BPTF: variants seen among roughly 807,000 people sequenced by gnomAD.
The protein encoded by BPTF is bromodomain PHD finger transcription factor.
In BPTF, 18 loss-of-function variants were observed where a neutral mutation model predicts 292.5. The observed-to-expected ratio is 0.06, with a 90% confidence interval of 0.04 to 0.09. The LOEUF is 0.09. Among genes scored for constraint, BPTF ranks in the 10% least tolerant of loss-of-function variants. The pLI is 1.00. For synonymous variants in BPTF, 1,225 were observed against 1,251.9 expected (o/e 0.98, Z 0.45); for missense variants, 2,726 against 3,498.7 (o/e 0.78, Z 5.57).
intron 7 of BPTF, among the ~76,000 whole-genome samples, chr17:67,901,155 C>T (rs546520537): frequency 2.0e-4 from 30 of 151,944 alleles, no homozygotes; most frequent in African/African-American, 7.0e-4. Context: ...AGAAGCAAAT[C>T]AGTAGATAAA....
intron 1 of BPTF, among the ~76,000 whole-genome samples, chr17:67,839,335 T>TA (rs1000819011): frequency 7.3e-4 from 110 of 151,664 alleles, no homozygotes; most frequent in African/African-American, 2.3e-3. Flanking sequence ...AGTTTTTTTT[T>TA]AAAAAAAAAT....
chr17:67,912,928 T>C lies in BPTF; in HGVS notation c.5044T>C (p.Tyr1682His). 7 of 1,614,070 alleles carry C rather than the reference T, an allele frequency of 4.3e-6. No individual in the cohort carries two copies. Among genetic ancestry groups the C allele is most frequent in the Non-Finnish European group, 5.9e-6 (7 of 1,180,014 alleles). The change falls in exon 11 of 28, where the codon TAT (tyrosine) becomes CAT (histidine). Residue 1682 changes from tyrosine (Y) to histidine (H), a missense_variant. Coordinates refer to ENST00000306378, the MANE Select transcript of BPTF (RefSeq NM_182641.4). ...LVTSMTVSKEYSTRDKVKLMK... is the reference protein window; with the variant it reads ...LVTSMTVSKEHSTRDKVKLMK... ...TACATCTATGACTGTGAGCAAAGAG[T>C]ATTCCACACGAGACAAAGTGAAACT... is the stretch of plus-strand genomic sequence containing the variant.
chr17:67,922,156 A>T (rs985138743), intron 13 of BPTF, among the ~76,000 whole-genome samples: 2 of 152,118 alleles, frequency 1.3e-5, no homozygotes, highest in Non-Finnish European at 2.9e-5. Context: ...TTTGATGCAA[A>T]CCACTGCAGT....
chr17:67,923,028 A>AT (rs1362203393), intron 14 of BPTF, 38 bp downstream of exon 14: 19 of 1,553,064 alleles, frequency 1.2e-5, no homozygotes, highest in Non-Finnish European at 1.7e-5. Flanking sequence ...CTATTTGAAG[A>AT]TTTTATCACT....
intron 17 of BPTF, 68 bp from the exon 18 acceptor site, chr17:67,931,843 G>A (rs2147542243): frequency 8.5e-7 from 1 of 1,173,444 alleles, no homozygotes; most frequent in Non-Finnish European, 1.2e-6. Flanking sequence ...AAGATCTTGT[G>A]TTCTAAGTCC....
chr17:67,909,277 C>A lies in BPTF; in HGVS notation c.2813-305C>A, dbSNP rs867847688. On this transcript the variant is annotated intron_variant, in intron 9 of 27. Transcript: ENST00000306378. ...GAGCCACCGCACCAGGTCCCCCCCC[C>A]CCTTTTTTTTTTTATCCTGCAGTGT... Among the ~76,000 whole-genome samples, 45 of 88,630 alleles carry A rather than the reference C, an allele frequency of 5.1e-4. 1 individual carries two copies. The Middle Eastern group carries it at 0.014, about 27-fold the overall frequency. 58.1% of individuals were successfully genotyped at this position (88,630 alleles called of 152,430 possible).
intron 26 of BPTF, chr17:67,974,718 G>C (rs1273388604): frequency 2.0e-5 from 3 of 152,498 alleles, no homozygotes; most frequent in African/African-American, 7.2e-5. Flanking sequence ...ATGAACACCA[G>C]GTGGAGAAGA....
chr17:67,893,911 A>T (rs1437099465), intron 6 of BPTF, 123 bp from the exon 7 acceptor site: 1 of 1,287,184 alleles, frequency 7.8e-7, no homozygotes, highest in Non-Finnish European at 1.1e-6. Flanking sequence ...AACTATTTGG[A>T]GGATTTTTAG....
chr17:67,897,341 CAAAAAAAA>C (rs750678904), intron 7 of BPTF, among the ~76,000 whole-genome samples: 18 of 17,762 alleles, frequency 1.0e-3, no homozygotes, highest in Admixed American at 3.4e-3. Flanking sequence ...AACTCTGTCT[CAAAAAAAA>C]AAAAAAAAAA....
At chr17:67,907,547 G>C (rs888370873) in intron 9 of BPTF, among the ~76,000 whole-genome samples, 7 of 151,854 alleles carry the variant, frequency 4.6e-5, no homozygotes, top group East Asian at 1.9e-4. Context: ...ATAGAGACGG[G>C]GTTTTGCCAT....
At position 67,946,306 on chromosome 17, in the gene BPTF, G is replaced by T. The variant is rs75934802; in HGVS notation, c.7598G>T (p.Ser2533Ile). Reference protein sequence around the residue: ...REHTLQASNQSEIIQKQVVMK... With the variant: ...REHTLQASNQIEIIQKQVVMK... The stretch of plus-strand genomic sequence containing the variant: ...CACACCCTCCAAGCTTCTAATCAAA[G>T]TGAAATCATTCAGAAACAGGTAAAG... Residue 2533 changes from serine (S) to isoleucine (I), a missense_variant, in exon 21 of 28, where the codon AGT (serine) becomes ATT (isoleucine). Coordinates refer to ENST00000306378, the MANE Select transcript of BPTF (RefSeq NM_182641.4). 3 of 1,613,748 alleles carry T rather than the reference G, an allele frequency of 1.9e-6. No homozygotes were observed. In the East Asian group the frequency reaches 6.7e-5, roughly 36 times the overall value.
chr17:67,873,266 G>A (rs1027281264), intron 3 of BPTF, among the ~76,000 whole-genome samples: 6 of 151,728 alleles, frequency 4.0e-5, no homozygotes, highest in East Asian at 3.9e-4. Flanking sequence ...AAGACCAGCC[G>A]GGCCAACGTG....
intron 19 of BPTF, among the ~76,000 whole-genome samples, chr17:67,942,308 C>CA (rs1285466396): frequency 3.7e-4 from 27 of 72,678 alleles, no homozygotes; most frequent in Admixed American, 3.7e-4. Context: ...GACTCCGTCT[C>CA]AAAAAAAAGA....
At chr17:67,922,317 A>G (rs2063508832) in intron 13 of BPTF, among the ~76,000 whole-genome samples, 1 of 152,066 alleles carries the variant, frequency 6.6e-6, no homozygotes, top group Non-Finnish European at 1.5e-5. Flanking sequence ...AAATCTTTTT[A>G]TGAGGAGATT....
intron 11 of BPTF, among the ~76,000 whole-genome samples, chr17:67,914,551 T>C (rs2062854255): frequency 6.6e-6 from 1 of 152,224 alleles, no homozygotes; most frequent in African/African-American, 2.4e-5. Context: ...AAATGTATCC[T>C]TGACTGTCCT....
intron 4 of BPTF, among the ~76,000 whole-genome samples, chr17:67,882,378 C>T (rs924588065): frequency 1.3e-5 from 2 of 152,142 alleles, no homozygotes; most frequent in African/African-American, 4.8e-5. Context: ...CATCAGTTTA[C>T]ATTGACATTT....
In BPTF at chr17:67,948,110, A is replaced by G. The variant is rs1415275735; in HGVS notation, c.7730A>G (p.Tyr2577Cys). Residue 2577 changes from tyrosine (Y) to cysteine (C), a missense_variant, in exon 23 of 28, where the codon TAT becomes TGT. Transcript: ENST00000306378. ...RMIVCNQVMK[Y>C]ILDKIDKEEK... ...ATTGTCTGTAACCAGGTGATGAAGT[A>G]TATTTTGGATAAGATAGATAAAGAA... 8.1e-6 allele frequency: 13 copies of G among 1,614,052 alleles called. No homozygotes were observed. The highest frequency in any genetic ancestry group is 1.1e-5 in the Non-Finnish European group (13 of 1,179,986).
At chr17:67,977,443 A>T (rs1406259724) in intron 27 of BPTF, among the ~76,000 whole-genome samples, 4 of 151,646 alleles carry the variant, frequency 2.6e-5, no homozygotes, top group African/African-American at 9.7e-5. Context: ...TGAACCCGGG[A>T]GGCACAGGCT....
At chr17:67,905,505 A>C (rs1170079520) in intron 9 of BPTF, among the ~76,000 whole-genome samples, 1 of 151,792 alleles carries the variant, frequency 6.6e-6, no homozygotes, top group African/African-American at 2.4e-5. Flanking sequence ...CCAGGAGTTC[A>C]AGGCCAGCCT....
Sources: gnomAD v4.1 joint callset for allele counts (sites outside exome capture counted in the v4.1 genomes callset) on GRCh38, gnomAD v4.1.1 for gene constraint, MANE v1.5 for transcripts, NCBI Gene and HGNC (gene_info 2026-07-23, HGNC 2026-07-21) for gene names.